RASGRF1: variants seen among roughly 807,000 people sequenced by gnomAD.
The protein encoded by RASGRF1 is Ras protein specific guanine nucleotide releasing factor 1, also known as ras-specific guanine nucleotide-releasing factor 1.
A neutral mutation model predicts 138.7 loss-of-function variants in RASGRF1; 40 were observed. The observed-to-expected ratio is 0.29, with a 90% CI of 0.22 to 0.38. RASGRF1 has a LOEUF of 0.38. Among genes scored for constraint, RASGRF1 ranks in the 10% least tolerant of loss-of-function variants. The probability of loss-of-function intolerance (pLI) is 1.00; values close to 1 mark genes in which losing one functional copy is unlikely to be tolerated. For missense variants in RASGRF1, 1,108 were observed against 1,650.4 expected, an observed-to-expected ratio of 0.67 and a Z score of 5.69; for synonymous variants, 614 against 663.2, an observed-to-expected ratio of 0.93 and a Z score of 1.14.
At chr15:79,047,091 C>A (rs758432725) in intron 4 of RASGRF1, 92 bp from the exon 5 acceptor site, 54 of 1,487,626 alleles carry the variant, frequency 3.6e-5, no homozygotes, top group Non-Finnish European at 4.4e-5. Flanking sequence ...GGGTAGGAAC[C>A]AAGGCTTTGT....
chr15:79,059,672 A>C (rs2057570751), intron 2 of RASGRF1, among the ~76,000 whole-genome samples: 1 of 152,094 alleles, frequency 6.6e-6, no homozygotes, highest in Non-Finnish European at 1.5e-5. Flanking sequence ...GGTTTGGTAT[A>C]CAGTTCTCTC....
At chr15:79,090,128 G>T in intron 1 of RASGRF1, 95 bp downstream of exon 1, 1 of 1,423,282 alleles carries the variant, frequency 7.0e-7, no homozygotes. Context: ...AGAGTAGAGG[G>T]GCCAAAGTTC....
chr15:79,068,251 C>T (rs556938919), intron 1 of RASGRF1, among the ~76,000 whole-genome samples: 13 of 152,136 alleles, frequency 8.5e-5, no homozygotes, highest in Admixed American at 5.9e-4. Context: ...CTTCTGTTCA[C>T]GCTGTTTGTT....
rs2056240333 is a variant in RASGRF1, at chr15:78,990,198, G to C, written c.3207C>G (p.His1069Gln). 2.5e-6 allele frequency: 4 copies of C among 1,597,086 alleles called. No homozygotes were observed. Among genetic ancestry groups the C allele is most frequent in the Admixed American group, 3.3e-5 (2 of 59,980 alleles). Reference sequence around the variant, plus strand: ...TCCCATCCATACTCACGTCATTGAAGTGCTTAGTGGTTTTCATGATATAAG... The same window carrying C: ...TCCCATCCATACTCACGTCATTGAACTGCTTAGTGGTTTTCATGATATAAG... ...RTPYIMKTTK[H>Q]FNDISNLIAS... is the part of the protein sequence containing the mutation. The change falls in exon 22 of 27, where the codon CAC becomes CAG. Residue 1069 changes from histidine (H) to glutamine (Q), a missense_variant. Physicochemically the swap from His to Gln is conservative, Grantham distance 24. Transcript: ENST00000558480.
chr15:78,962,103 A>T lies in RASGRF1; in HGVS notation c.*41T>A. 1 of 1,263,362 alleles carries T rather than the reference A, an allele frequency of 7.9e-7. No individual in the cohort carries two copies. Among genetic ancestry groups the T allele is most frequent in the South Asian group, 1.3e-5 (1 of 78,898 alleles). The allele number at this position is 1,263,362 out of a possible 1,614,324, so 78.3% of individuals were successfully genotyped here. On this transcript the variant is annotated 3_prime_UTR_variant, in exon 27 of 27. Coordinates refer to ENST00000558480, the MANE Select transcript of RASGRF1 (RefSeq NM_001145648.3). ...ACGAATATGTACAGTATCATCTAGC[A>T]CATGTCCCCGGGAGCAGCTGGGTCT...
Position 79,090,693 on chromosome 15 carries a change from C to A in RASGRF1, c.-195G>T. ...TCTTGAATCCAGATATACCATTCCC[C>A]GCTGGAACCTCTTCTCCGCTCCGCA... On this transcript the variant is annotated 5_prime_UTR_variant, in exon 1 of 27. Coordinates refer to ENST00000558480, the MANE Select transcript of RASGRF1 (RefSeq NM_001145648.3). 1 of 716,108 alleles carries A rather than the reference C, an allele frequency of 1.4e-6. No homozygotes were observed. Among genetic ancestry groups the A allele is most frequent in the Non-Finnish European group, 2.2e-6 (1 of 449,386 alleles). The allele number at this position is 716,108 out of a possible 1,614,324, so 44.4% of individuals were successfully genotyped here. A position where few individuals can be genotyped will look rare whatever the true frequency, so the allele number is the denominator to read the frequency against.
At chr15:79,025,559 G>T in intron 9 of RASGRF1, 85 bp from the exon 10 acceptor site, 1 of 1,469,882 alleles carries the variant, frequency 6.8e-7, no homozygotes, top group Non-Finnish European at 9.2e-7. Context: ...AGATGCTGGG[G>T]CAGCAGCAGT....
At position 79,036,177 on chromosome 15, in the gene RASGRF1, CCCAA is replaced by C. The variant is rs145000919; in HGVS notation, c.879-971_879-968del. On this transcript the variant is annotated intron_variant, in intron 5 of 26. Transcript: ENST00000558480. ...CTGAAGGCACTCCTATTCCTTCCTG[CCCAA>C]CCATTTTCCCTCTGCTCCTTAGCTC... 4.3e-3 allele frequency among the ~76,000 whole-genome samples: 661 copies of C among 152,352 alleles called. 6 individuals carry two copies. The highest frequency in any genetic ancestry group is 8.7e-3 in the Admixed American group (133 of 15,306).
chr15:79,024,717 C>T (rs985172518), intron 10 of RASGRF1, among the ~76,000 whole-genome samples: 1 of 152,214 alleles, frequency 6.6e-6, no homozygotes, highest in Non-Finnish European at 1.5e-5. Flanking sequence ...TCCTCCTTTG[C>T]CTTCCACCAT....
intron 3 of RASGRF1, among the ~76,000 whole-genome samples, chr15:79,051,377 C>T (rs1421030482): frequency 1.3e-5 from 2 of 152,004 alleles, no homozygotes; most frequent in Non-Finnish European, 2.9e-5. Flanking sequence ...CCCCCTCCCC[C>T]TTTTCGATCC....
chr15:78,999,775 T>C lies in RASGRF1; in HGVS notation c.2714A>G (p.Glu905Gly). 1 of 1,614,084 alleles carries C rather than the reference T, an allele frequency of 6.2e-7. No individual in the cohort carries two copies. The highest frequency in any genetic ancestry group is 8.5e-7 in the Non-Finnish European group (1 of 1,179,994). ...AGANEGTPNK[E>G]KYRRMSLASA... ...GGCTAAGGACATCCTCCGGTACTTC[T>C]CCTTGTTTGGGGTGCCCTCGTTGGC... Residue 905 changes from glutamate to glycine, a missense_variant, in exon 17 of 27, where the codon GAG becomes GGG. Coordinates refer to ENST00000558480, the MANE Select transcript of RASGRF1 (RefSeq NM_001145648.3).
chr15:79,012,407 G>T, intron 13 of RASGRF1: 1 of 996,306 alleles, frequency 1.0e-6, no homozygotes, highest in Non-Finnish European at 1.6e-6. Flanking sequence ...TTTACAGCAT[G>T]CACTACACTG....
At position 78,987,799 on chromosome 15, in the gene RASGRF1, G is replaced by A. The variant is rs531783040; in HGVS notation, c.3216+2390C>T. ...ATTCCATGCTGTTGTGGAGAGAGAC[G>A]GGACTAGGGTGAGGCAGTTGAGGTG... On this transcript the variant is annotated intron_variant, in intron 22 of 26. Coordinates refer to ENST00000558480, the MANE Select transcript of RASGRF1 (RefSeq NM_001145648.3). Among the ~76,000 whole-genome samples the A allele has an allele frequency of 3.0e-3, 464 of 152,242 alleles. 1 individual carries two copies. Among genetic ancestry groups the A allele is most frequent in the African/African-American group, 0.011 (447 of 41,536 alleles).
rs1239331351 is a variant in RASGRF1, at chr15:79,050,285, A to G, written c.532-697T>C. On this transcript the variant is annotated intron_variant, in intron 3 of 26. Transcript: ENST00000558480. The surrounding 1 kb of genome is among the most constrained non-coding windows in gnomAD (Gnocchi z 4.1). ...CTGTGACCGGCTTATTTCATGGTGCATAATGTCCTCAAGTTTCTTCCATGT... is the reference window on the plus strand; with the variant it reads ...CTGTGACCGGCTTATTTCATGGTGCGTAATGTCCTCAAGTTTCTTCCATGT... Among the ~76,000 whole-genome samples the G allele has an allele frequency of 6.6e-6, 1 of 152,206 alleles. No homozygotes were observed. Among genetic ancestry groups the G allele is most frequent in the African/African-American group, 2.4e-5 (1 of 41,450 alleles).
chr15:79,082,841 G>A (rs1370722648), intron 1 of RASGRF1, among the ~76,000 whole-genome samples: 2 of 152,198 alleles, frequency 1.3e-5, no homozygotes, highest in Non-Finnish European at 2.9e-5. Context: ...CATATGCAGG[G>A]TCAGGGCTCA....
intron 4 of RASGRF1, 90 bp from the exon 5 acceptor site, chr15:79,047,089 A>C: frequency 4.7e-6 from 7 of 1,501,346 alleles, no homozygotes; most frequent in Non-Finnish European, 6.3e-6. Flanking sequence ...AAGGGTAGGA[A>C]CCAAGGCTTT....
chr15:78,979,890 TTTTGCC>T (rs1248486796), intron 24 of RASGRF1, among the ~76,000 whole-genome samples: 1 of 152,168 alleles, frequency 6.6e-6, no homozygotes, highest in South Asian at 2.1e-4. Flanking sequence ...GTGGGGAGGA[TTTTGCC>T]CCCTAGTGGA....
chr15:78,999,971 TA>T (rs1215051660), intron 16 of RASGRF1, 58 bp from the exon 17 acceptor site: 1 of 1,567,094 alleles, frequency 6.4e-7, no homozygotes, highest in Non-Finnish European at 8.8e-7. Flanking sequence ...CTCAGGCTGT[TA>T]GAAAACCAGG....
intron 2 of RASGRF1, among the ~76,000 whole-genome samples, chr15:79,061,666 C>T (rs896034394): frequency 6.6e-6 from 1 of 152,042 alleles, no homozygotes; most frequent in African/African-American, 2.4e-5. Context: ...GTAACTGGAA[C>T]CAAATATCAT....
Sources: allele counts gnomAD v4.1 joint callset (sites outside exome capture counted in the v4.1 genomes callset), GRCh38; gene constraint gnomAD v4.1.1; non-coding constraint Gnocchi (gnomAD v3.1); transcripts MANE v1.5; gene names NCBI Gene and HGNC (gene_info 2026-07-23, HGNC 2026-07-21).